The following LAMTOR2 variants were observed in gnomAD, a reference collection of about 807,000 sequenced individuals.
The protein encoded by LAMTOR2 is late endosomal/lysosomal adaptor, MAPK and MTOR activator 2.
Under a neutral mutation model 15.8 loss-of-function variants are expected in LAMTOR2, and 4 were observed. The ratio of observed to expected loss-of-function variants is 0.25; its 90% CI spans 0.12 to 0.58. The LOEUF is 0.58. Among genes scored for constraint, LAMTOR2 ranks in the 20% least tolerant of loss-of-function variants. LAMTOR2 has a pLI of 0.91. For missense variants in LAMTOR2, 100 were observed against 161.0 expected (o/e 0.62, Z 2.05); for synonymous variants, 62 against 64.1 (o/e 0.97, Z 0.15).
chr1:156,056,965 G>A (rs1460606689), intron 2 of LAMTOR2, among the ~76,000 whole-genome samples: 1 of 151,736 alleles, frequency 6.6e-6, no homozygotes, highest in Admixed American at 6.6e-5. Context: ...GGATCACAAA[G>A]TCAGGTGTTC....
At position 156,058,306 on chromosome 1, in the gene LAMTOR2, C is replaced by T; in HGVS notation, c.322-9C>T. ...GTGTGCGGGACTGATCTCTGTTCTC[C>T]CTCTGCAGGCCCAGGCTTTGGTGCA... On this transcript the variant is annotated splice_polypyrimidine_tract_variant and intron_variant, in intron 3 of 3. Coordinates refer to ENST00000368305, the MANE Select transcript of LAMTOR2 (RefSeq NM_014017.4). The T allele has an allele frequency of 6.2e-7, 1 of 1,614,128 alleles. No homozygotes were observed. Among genetic ancestry groups the T allele is most frequent in the African/African-American group, 1.3e-5 (1 of 75,032 alleles).
rs1416312136 is a variant in LAMTOR2, at chr1:156,054,889, C to T, written c.-1C>T. The stretch of plus-strand genomic sequence containing the variant: ...AAAGCCCAGGGTTAGGAACCGTAGG[C>T]ATGCTGCGCCCCAAGGCTTTGACCC... On this transcript the variant is annotated 5_prime_UTR_variant, in exon 1 of 4. Coordinates refer to ENST00000368305, the MANE Select transcript of LAMTOR2 (RefSeq NM_014017.4). The T allele has an allele frequency of 6.2e-7, 1 of 1,612,914 alleles. No homozygotes were observed. Among genetic ancestry groups the T allele is most frequent in the East Asian group, 2.2e-5 (1 of 44,862 alleles).
At position 156,058,419 on chromosome 1, in the gene LAMTOR2, G is replaced by A. The variant is rs1230388978; in HGVS notation, c.*48G>A. 2 of 1,604,774 alleles carry A rather than the reference G, an allele frequency of 1.2e-6. No homozygotes were observed. Among genetic ancestry groups the A allele is most frequent in the Non-Finnish European group, 1.7e-6 (2 of 1,171,674 alleles). On this transcript the variant is annotated 3_prime_UTR_variant, in exon 4 of 4. Transcript: ENST00000368305. ...CAGAAAAGAGAAATGACCATTTGGA[G>A]GGGCGGGGCCTCCTAGAAGAACCTT...
At chr1:156,057,411 A>G (rs938398778) in intron 2 of LAMTOR2, among the ~76,000 whole-genome samples, 4 of 152,158 alleles carry the variant, frequency 2.6e-5, no homozygotes, top group African/African-American at 9.7e-5. Context: ...ACACACATAG[A>G]CCCACTAAAA....
At position 156,055,201 on chromosome 1, in the gene LAMTOR2, G is replaced by A. The variant is rs1572286793; in HGVS notation, c.69-62G>A. The A allele has an allele frequency of 1.2e-6, 2 of 1,603,952 alleles. No individual in the cohort carries two copies. Among genetic ancestry groups the A allele is most frequent in the East Asian group, 4.5e-5 (2 of 44,814 alleles). On this transcript the variant is annotated intron_variant, in intron 1 of 3. Coordinates refer to ENST00000368305, the MANE Select transcript of LAMTOR2 (RefSeq NM_014017.4). This position sits in a 1 kb window ranked among gnomAD's most constrained non-coding sequence, Gnocchi z 4.8. ...TGTGCCCTTGGTGGGACTTGGGATG[G>A]AAACCCAGACGTTTTACTCCCCGCT...
At position 156,054,873 on chromosome 1, in the gene LAMTOR2, G is replaced by T; in HGVS notation, c.-17G>T. The T allele has an allele frequency of 1.9e-6, 3 of 1,612,324 alleles. No individual in the cohort carries two copies. Among genetic ancestry groups the T allele is most frequent in the South Asian group, 2.2e-5 (2 of 90,916 alleles). On this transcript the variant is annotated 5_prime_UTR_variant, in exon 1 of 4. Coordinates refer to ENST00000368305, the MANE Select transcript of LAMTOR2 (RefSeq NM_014017.4). ...CGGAGATCTGGGTGCAAAAGCCCAG[G>T]GTTAGGAACCGTAGGCATGCTGCGC...
In LAMTOR2 at chr1:156,054,848, C is replaced by T. The variant is rs1229464025; in HGVS notation, c.-42C>T. The T allele has an allele frequency of 5.0e-6, 8 of 1,599,574 alleles. No homozygotes were observed. The South Asian group carries it at 8.9e-5, about 18-fold the overall frequency. On this transcript the variant is annotated 5_prime_UTR_variant, in exon 1 of 4. Transcript: ENST00000368305. ...GGGCAGCGGCCCGCGGGAGGCACCT[C>T]GGAGATCTGGGTGCAAAAGCCCAGG...
chr1:156,057,893 C>T lies in LAMTOR2; in HGVS notation c.232-85C>T. On this transcript the variant is annotated intron_variant, in intron 2 of 3. Transcript: ENST00000368305. ...AGGGCATGGGAGGAAGATATAGTCTCTCTGGGGCCAGAGAAGCCTTTGGGG... is the reference window on the plus strand; with the variant it reads ...AGGGCATGGGAGGAAGATATAGTCTTTCTGGGGCCAGAGAAGCCTTTGGGG... 3 of 1,293,700 alleles carry T rather than the reference C, an allele frequency of 2.3e-6. No homozygotes were observed. The South Asian group carries it at 3.6e-5, about 15-fold the overall frequency. The allele number at this position is 1,293,700 out of a possible 1,614,324, so 80.1% of individuals were successfully genotyped here. A position where few individuals can be genotyped will look rare whatever the true frequency, so the allele number is the denominator to read the frequency against.
chr1:156,055,076 T>A lies in LAMTOR2; in HGVS notation c.68+119T>A, dbSNP rs1647291146. On this transcript the variant is annotated intron_variant, in intron 1 of 3. Coordinates refer to ENST00000368305, the MANE Select transcript of LAMTOR2 (RefSeq NM_014017.4). The surrounding 1 kb of genome is among the most constrained non-coding windows in gnomAD (Gnocchi z 4.8). ...AGGAAGCGGCAGAGGGGGCAGCGGC[T>A]GGGGATACCGGCCGGGAGGTCCCCT... The A allele has an allele frequency of 2.2e-6, 3 of 1,377,080 alleles. No individual in the cohort carries two copies. Among genetic ancestry groups the A allele is most frequent in the Non-Finnish European group, 3.1e-6 (3 of 972,786 alleles). 85.3% of individuals were successfully genotyped at this position (1,377,080 alleles called of 1,614,324 possible).
In LAMTOR2 at chr1:156,055,418, A is replaced by T. The variant is rs1235815495; in HGVS notation, c.224A>T (p.Asp75Val). 2 of 1,614,160 alleles carry T rather than the reference A, an allele frequency of 1.2e-6. No individual in the cohort carries two copies. Among genetic ancestry groups the T allele is most frequent in the South Asian group, 2.2e-5 (2 of 91,084 alleles). ...GACAATCTCAAATTCATCCTCATGG[A>T]CTGCATGGTATGGAGAGGGGAGCCA... ...NEDNLKFILM[D>V]CMEGRVAITR... The change falls in exon 2 of 4, where the codon GAC becomes GTC. Residue 75 changes from aspartate to valine, a missense_variant. Coordinates refer to ENST00000368305, the MANE Select transcript of LAMTOR2 (RefSeq NM_014017.4). The surrounding 1 kb of genome is among the most constrained non-coding windows in gnomAD (Gnocchi z 4.8).
Position 156,055,134 on chromosome 1 carries a change from AG to A in LAMTOR2, c.69-126del. On this transcript the variant is annotated intron_variant, in intron 1 of 3. Transcript: ENST00000368305. The surrounding 1 kb of genome is among the most constrained non-coding windows in gnomAD (Gnocchi z 4.8). ...AGGGAAGCCGGTGTGCTGGGTGCTT[AG>A]GGCATGTTCCGGGACACGCTCAGGC... The A allele has an allele frequency of 7.0e-7, 1 of 1,424,362 alleles. No individual in the cohort carries two copies. The allele number at this position is 1,424,362 out of a possible 1,614,324, so 88.2% of individuals were successfully genotyped here. A position where few individuals can be genotyped will look rare whatever the true frequency, so the allele number is the denominator to read the frequency against.
In LAMTOR2 at chr1:156,055,454, G is replaced by C. The variant is rs747688066; in HGVS notation, c.231+29G>C. On this transcript the variant is annotated intron_variant, in intron 2 of 3. Transcript: ENST00000368305. This position sits in a 1 kb window ranked among gnomAD's most constrained non-coding sequence, Gnocchi z 4.8. ...TGGAGAGGGGAGCCAGACTTCCCCT[G>C]TCCCCCAAAGGGGATCCCAAGGGGG... The C allele has an allele frequency of 2.5e-6, 4 of 1,613,314 alleles. No individual in the cohort carries two copies. Among genetic ancestry groups the C allele is most frequent in the Admixed American group, 1.7e-5 (1 of 60,028 alleles).
At chr1:156,057,238 A>T (rs1271359269) in intron 2 of LAMTOR2, among the ~76,000 whole-genome samples, 3 of 151,962 alleles carry the variant, frequency 2.0e-5, no homozygotes, top group African/African-American at 7.3e-5. Flanking sequence ...CACTCCTGTA[A>T]TCCCAACACT....
intron 3 of LAMTOR2, 59 bp from the exon 4 acceptor site, chr1:156,058,256 G>A (rs755389855): frequency 3.1e-5 from 50 of 1,610,554 alleles, no homozygotes; most frequent in Non-Finnish European, 5.9e-6. Context: ...AGCAGACCTG[G>A]ATTTGGGGTC....
Position 156,054,970 on chromosome 1 carries a change from C to T in LAMTOR2, c.68+13C>T, listed in dbSNP as rs1647286288. 6.2e-7 allele frequency: 1 copy of T among 1,610,134 alleles called. No homozygotes were observed. Among genetic ancestry groups the T allele is most frequent in the Non-Finnish European group, 8.5e-7 (1 of 1,178,816 alleles). On this transcript the variant is annotated intron_variant, in intron 1 of 3. Transcript: ENST00000368305. ...TCCAGAGCACCCTGTGAGTGCAGAC[C>T]ACGGACCCGAGCGGCGAGCGCTGCA... is the stretch of plus-strand genomic sequence containing the variant.
In LAMTOR2 at chr1:156,058,077, T is replaced by C; in HGVS notation, c.321+10T>C. 3.1e-6 allele frequency: 5 copies of C among 1,613,302 alleles called. No homozygotes were observed. The East Asian group carries it at 8.9e-5, about 29-fold the overall frequency. ...AATGCTCAAGGCCAAGGTGTGTATG[T>C]GCCCATCCCTCCATAGCCCTGGGCC... On this transcript the variant is annotated intron_variant, in intron 3 of 3. Transcript: ENST00000368305.
intron 2 of LAMTOR2, among the ~76,000 whole-genome samples, chr1:156,056,581 T>A (rs560642291): frequency 1.3e-5 from 2 of 152,146 alleles, no homozygotes; most frequent in East Asian, 3.9e-4. Flanking sequence ...ATGGCTGGAG[T>A]TACGTGAGAT....
chr1:156,056,917 T>C (rs1012768289), intron 2 of LAMTOR2, among the ~76,000 whole-genome samples: 1 of 152,118 alleles, frequency 6.6e-6, no homozygotes, highest in Non-Finnish European at 1.5e-5. Context: ...TGGTGGCTCA[T>C]GCCTGTAATC....
Position 156,058,385 on chromosome 1 carries a change from A to G in LAMTOR2, c.*14A>G, listed in dbSNP as rs779919778. 19 of 1,614,032 alleles carry G rather than the reference A, an allele frequency of 1.2e-5. No homozygotes were observed. The highest frequency in any genetic ancestry group is 1.6e-5 in the Non-Finnish European group (19 of 1,179,918). On this transcript the variant is annotated 3_prime_UTR_variant, in exon 4 of 4. Coordinates refer to ENST00000368305, the MANE Select transcript of LAMTOR2 (RefSeq NM_014017.4). ...GCGGCATCTTAACGGCATTGGTGGA[A>G]GCTGGGGTCAGAAAAGAGAAATGAC...
Sources: gnomAD v4.1 joint callset for allele counts (sites outside exome capture counted in the v4.1 genomes callset) on GRCh38, gnomAD v4.1.1 for gene constraint, Gnocchi (gnomAD v3.1) non-coding constraint, MANE v1.5 for transcripts, NCBI Gene and HGNC (gene_info 2026-07-23, HGNC 2026-07-21) for gene names.